GALNTL6: variants seen among roughly 807,000 people sequenced by gnomAD.
The protein encoded by GALNTL6 is polypeptide N-acetylgalactosaminyltransferase-like 6.
GALNTL6 carries 46 observed loss-of-function variants against 73.7 expected under a neutral mutation model. The observed-to-expected ratio is 0.62, with a 90% confidence interval of 0.49 to 0.80. The LOEUF (loss-of-function observed/expected upper bound fraction) is 0.80. Among genes scored for constraint, GALNTL6 ranks in the 30% least tolerant of loss-of-function variants. GALNTL6 has a pLI of 0.00. For synonymous variants in GALNTL6, 259 were observed against 263.7 expected, an observed-to-expected ratio of 0.98 and a Z score of 0.17; for missense variants, 604 against 755.0, an observed-to-expected ratio of 0.80 and a Z score of 2.34.
chr4:172,565,896 A>C (rs1736538000), intron 5 of GALNTL6, among the ~76,000 whole-genome samples: 1 of 152,142 alleles, frequency 6.6e-6, no homozygotes. Flanking sequence ...ATACTTATAT[A>C]AGACAAAATA....
intron 7 of GALNTL6, among the ~76,000 whole-genome samples, chr4:172,868,623 T>C (rs1172718015): frequency 6.6e-6 from 1 of 152,190 alleles, no homozygotes; most frequent in Non-Finnish European, 1.5e-5. Context: ...ACTGGTAGAA[T>C]ATAACAGGAG....
chr4:172,528,836 G>A (rs560882678), intron 5 of GALNTL6, among the ~76,000 whole-genome samples: 17 of 149,470 alleles, frequency 1.1e-4, no homozygotes, highest in Admixed American at 2.7e-4. Context: ...AATGTACTAT[G>A]CCAGGCACTT....
At chr4:172,824,572 T>C (rs989384086) in intron 7 of GALNTL6, among the ~76,000 whole-genome samples, 6 of 152,222 alleles carry the variant, frequency 3.9e-5, no homozygotes, top group Non-Finnish European at 7.4e-5. Context: ...GCTTCAAATG[T>C]AAGTTGCTTT....
intron 2 of GALNTL6, among the ~76,000 whole-genome samples, chr4:172,177,160 C>G (rs540156462): frequency 2.0e-5 from 3 of 152,124 alleles, no homozygotes; most frequent in Non-Finnish European, 4.4e-5. Flanking sequence ...ATGAAAATCA[C>G]AATACACACA....
At chr4:172,074,528 C>T (rs1160041612) in intron 2 of GALNTL6, among the ~76,000 whole-genome samples, 1 of 150,272 alleles carries the variant, frequency 6.7e-6, no homozygotes, top group Non-Finnish European at 1.5e-5. Context: ...AAACTGTGCT[C>T]AGTCATATGC....
intron 5 of GALNTL6, among the ~76,000 whole-genome samples, chr4:172,714,734 T>C (rs1194581582): frequency 6.6e-6 from 1 of 152,128 alleles, no homozygotes; most frequent in African/African-American, 2.4e-5. Context: ...TGAAACTCAG[T>C]ATTCAGGAAA....
At chr4:172,494,456 T>A (rs1475432055) in intron 5 of GALNTL6, among the ~76,000 whole-genome samples, 4 of 152,162 alleles carry the variant, frequency 2.6e-5, no homozygotes, top group Admixed American at 2.0e-4. Context: ...CCTCTATTGG[T>A]CAGGGTTCTG....
At chr4:172,619,559 T>A (rs1262156214) in intron 5 of GALNTL6, among the ~76,000 whole-genome samples, 1 of 152,234 alleles carries the variant, frequency 6.6e-6, no homozygotes, top group African/African-American at 2.4e-5. Context: ...CAAGAATCAC[T>A]GATTTGGAAC....
At chr4:172,042,369 C>A (rs931224390) in intron 2 of GALNTL6, among the ~76,000 whole-genome samples, 1 of 151,978 alleles carries the variant, frequency 6.6e-6, no homozygotes, top group South Asian at 2.1e-4. Context: ...CTGTATATGG[C>A]ACATAAAAAT....
At chr4:172,517,058 G>A (rs1248247290) in intron 5 of GALNTL6, among the ~76,000 whole-genome samples, 1 of 152,090 alleles carries the variant, frequency 6.6e-6, no homozygotes, top group Non-Finnish European at 1.5e-5. Context: ...GATATTTAAT[G>A]GATACTGAGT....
intron 2 of GALNTL6, among the ~76,000 whole-genome samples, chr4:172,117,765 A>G (rs973965662): frequency 6.6e-6 from 1 of 152,200 alleles, no homozygotes; most frequent in Non-Finnish European, 1.5e-5. Flanking sequence ...ATGAATCTCA[A>G]CAACATTGTT....
chr4:172,629,314 A>C (rs867179517), intron 5 of GALNTL6, among the ~76,000 whole-genome samples: 34 of 152,304 alleles, frequency 2.2e-4, no homozygotes, highest in Middle Eastern at 3.4e-3. Flanking sequence ...TAATAAATTT[A>C]TTATTTATGG....
chr4:171,846,911 CATATAATTAT>C (rs1735387759), intron 2 of GALNTL6, among the ~76,000 whole-genome samples: 1 of 12,934 alleles, frequency 7.7e-5, no homozygotes, highest in Non-Finnish European at 2.0e-4. Flanking sequence ...ATTATATATA[CATATAATTAT>C]ATGTAATTAT....
chr4:172,999,004 AAC>A (rs1306722980), intron 10 of GALNTL6, among the ~76,000 whole-genome samples: 26 of 151,538 alleles, frequency 1.7e-4, no homozygotes, highest in Non-Finnish European at 2.8e-4. Context: ...AAAAAAAAAA[AAC>A]GTTGGCTGGT....
At chr4:172,729,406 G>T (rs945280743) in intron 5 of GALNTL6, among the ~76,000 whole-genome samples, 1 of 152,090 alleles carries the variant, frequency 6.6e-6, no homozygotes, top group Admixed American at 6.6e-5. Flanking sequence ...TAATTTTTAT[G>T]TAGGGTAAGA....
At chr4:171,855,186 G>A (rs1735653737) in intron 2 of GALNTL6, among the ~76,000 whole-genome samples, 1 of 152,108 alleles carries the variant, frequency 6.6e-6, no homozygotes, top group Non-Finnish European at 1.5e-5. Flanking sequence ...ATGGGTTTTG[G>A]AAGATATATA....
At chr4:172,876,740 T>C (rs1194462490) in intron 7 of GALNTL6, among the ~76,000 whole-genome samples, 3 of 152,200 alleles carry the variant, frequency 2.0e-5, no homozygotes, top group Non-Finnish European at 4.4e-5. Context: ...GTATCTGTAG[T>C]TATTTAGCCA....
chr4:172,343,329 T>G (rs1741634261), intron 4 of GALNTL6, among the ~76,000 whole-genome samples: 1 of 152,190 alleles, frequency 6.6e-6, no homozygotes, highest in Non-Finnish European at 1.5e-5. Flanking sequence ...AAGTAATGTT[T>G]AAGTGATGGT....
chr4:172,956,761 G>A (rs1170210751), intron 10 of GALNTL6, among the ~76,000 whole-genome samples: 1 of 152,156 alleles, frequency 6.6e-6, no homozygotes, highest in Non-Finnish European at 1.5e-5. Context: ...AGAGGTAAAA[G>A]TATTGTCCAG....
Sources: allele counts gnomAD v4.1 joint callset (sites outside exome capture counted in the v4.1 genomes callset), GRCh38; gene constraint gnomAD v4.1.1; transcripts MANE v1.5; gene names NCBI Gene and HGNC (gene_info 2026-07-23, HGNC 2026-07-21).